SRGAP1: variants seen among roughly 807,000 people sequenced by gnomAD.
SRGAP1 encodes the protein SLIT-ROBO Rho GTPase activating protein 1.
SRGAP1 carries 43 observed loss-of-function variants against 121.9 expected under a neutral mutation model. The observed-to-expected ratio is 0.35, with a 90% CI of 0.28 to 0.46. The LOEUF is 0.46. Among genes scored for constraint, SRGAP1 ranks in the 20% least tolerant of loss-of-function variants. SRGAP1 has a pLI of 1.00. For missense variants in SRGAP1, 1,102 were observed against 1,350.9 expected, an observed-to-expected ratio of 0.82 and a Z score of 2.89; for synonymous variants, 447 against 485.4, an observed-to-expected ratio of 0.92 and a Z score of 1.04.
chr12:64,111,983 A>G lies in SRGAP1; in HGVS notation c.2141A>G (p.Tyr714Cys), dbSNP rs760986373. 1.2e-6 allele frequency: 2 copies of G among 1,612,760 alleles called. No homozygotes were observed. The highest frequency in any genetic ancestry group is 1.7e-6 in the Non-Finnish European group (2 of 1,179,056). The change falls in exon 17 of 22, where the codon TAT becomes TGT. Residue 714 changes from tyrosine to cysteine, a missense_variant. Tyr to Cys is a radical substitution (Grantham distance 194, BLOSUM62 -2). This residue lies in a region of SRGAP1 where 747 missense variants were observed against 929.4 expected (regional missense o/e 0.80). Coordinates refer to ENST00000355086, the MANE Select transcript of SRGAP1 (RefSeq NM_020762.4). ...GAGAAATGTATGGCTGGAGATGACTATTGGTAAGTCTAAGAATTTTAGTCC... is the reference window on the plus strand; with the variant it reads ...GAGAAATGTATGGCTGGAGATGACTGTTGGTAAGTCTAAGAATTTTAGTCC... ...VYEKCMAGDD[Y>C]CDSPYSEHGT...
intron 13 of SRGAP1, 21 bp downstream of exon 13, chr12:64,095,013 T>C (rs752046714): frequency 6.2e-7 from 1 of 1,613,410 alleles, no homozygotes; most frequent in African/African-American, 1.3e-5. Context: ...AACTACAGAA[T>C]TCTTATTTTT....
intron 4 of SRGAP1, among the ~76,000 whole-genome samples, chr12:64,035,919 A>G (rs1176439673): frequency 6.6e-6 from 1 of 152,112 alleles, no homozygotes; most frequent in Non-Finnish European, 1.5e-5. Flanking sequence ...AAGAATCATA[A>G]CTACCCACCG....
intron 1 of SRGAP1, among the ~76,000 whole-genome samples, chr12:63,903,358 C>A (rs112453588): frequency 2.0e-5 from 3 of 151,436 alleles, no homozygotes; most frequent in African/African-American, 2.4e-5. Context: ...GATTGGCGTG[C>A]GCTAATTTAC....
intron 1 of SRGAP1, among the ~76,000 whole-genome samples, chr12:63,949,413 T>A (rs993667840): frequency 1.7e-5 from 2 of 119,636 alleles, no homozygotes; most frequent in Non-Finnish European, 3.9e-5. Context: ...TTATTATTAT[T>A]ATTATTATTA....
chr12:64,001,820 A>G (rs187289203), intron 3 of SRGAP1, among the ~76,000 whole-genome samples: 2 of 152,340 alleles, frequency 1.3e-5, no homozygotes, highest in East Asian at 1.9e-4. Flanking sequence ...TAAATGATAC[A>G]CTAGGTAAAG....
intron 4 of SRGAP1, among the ~76,000 whole-genome samples, chr12:64,020,947 C>CAA (rs11379937): frequency 0.15 from 19,732 of 131,140 alleles, 1,777 homozygotes; most frequent in Non-Finnish European, 0.22. Flanking sequence ...TTCTGTCTCA[C>CAA]AAAAAAAAAA....
intron 8 of SRGAP1, among the ~76,000 whole-genome samples, chr12:64,067,123 A>T (rs140131305): frequency 2.4e-3 from 363 of 151,918 alleles, no homozygotes; most frequent in African/African-American, 8.3e-3. Flanking sequence ...CAGTCATTCA[A>T]CTCCCAGTTC....
At chr12:64,140,259 T>G (rs2136652652) in intron 21 of SRGAP1, among the ~76,000 whole-genome samples, 1 of 148,016 alleles carries the variant, frequency 6.8e-6, no homozygotes, top group African/African-American at 2.6e-5. Flanking sequence ...CTGAAAGTAG[T>G]TTTTTCCAAT....
rs141115345 is a variant in SRGAP1, at chr12:63,971,586, AACTT to A, written c.68-12356_68-12353del. ...GCTCACATCTGAGGATGAAATAGAA[AACTT>A]ACTTTTAACACAGGTTGTCTGTCAC... On this transcript the variant is annotated intron_variant, in intron 1 of 21. Transcript: ENST00000355086. Among the ~76,000 whole-genome samples the A allele has an allele frequency of 5.7e-3, 870 of 152,286 alleles. 7 individuals carry two copies. Among genetic ancestry groups the A allele is most frequent in the African/African-American group, 0.02 (827 of 41,548 alleles).
chr12:64,039,577 C>T (rs2034968702), intron 4 of SRGAP1, among the ~76,000 whole-genome samples: 1 of 150,068 alleles, frequency 6.7e-6, no homozygotes, highest in Non-Finnish European at 1.5e-5. Flanking sequence ...ATGAGAGTCA[C>T]ATGTTCTCAT....
At chr12:64,096,057 A>AG (rs1181765601) in intron 14 of SRGAP1, among the ~76,000 whole-genome samples, 2 of 152,164 alleles carry the variant, frequency 1.3e-5, no homozygotes, top group Non-Finnish European at 2.9e-5. Context: ...TGATGGTTAG[A>AG]GCAGAGCAGC....
intron 6 of SRGAP1, 69 bp downstream of exon 6, chr12:64,043,644 G>A: frequency 1.0e-5 from 12 of 1,200,194 alleles, no homozygotes; most frequent in South Asian, 3.1e-5. Flanking sequence ...TTCGTTGATT[G>A]GAAAATACTG....
intron 2 of SRGAP1, among the ~76,000 whole-genome samples, chr12:63,987,339 C>T (rs1376850185): frequency 6.6e-6 from 1 of 152,106 alleles, no homozygotes; most frequent in African/African-American, 2.4e-5. Flanking sequence ...GTTTAGCTTC[C>T]CTGGACTAAA....
intron 8 of SRGAP1, among the ~76,000 whole-genome samples, chr12:64,075,264 G>C (rs2035715658): frequency 6.6e-6 from 1 of 152,244 alleles, no homozygotes; most frequent in Admixed American, 6.5e-5. Context: ...AAAGGAATAG[G>C]TTGGGCTAGT....
intron 21 of SRGAP1, among the ~76,000 whole-genome samples, chr12:64,138,750 TAGAAG>T (rs1171168397): frequency 5.9e-5 from 9 of 152,134 alleles, no homozygotes; most frequent in African/African-American, 2.2e-4. Flanking sequence ...CTGACTACAC[TAGAAG>T]ACAAATGAGG....
intron 2 of SRGAP1, among the ~76,000 whole-genome samples, chr12:63,989,080 G>A (rs1331656435): frequency 6.6e-6 from 1 of 152,178 alleles, no homozygotes; most frequent in Non-Finnish European, 1.5e-5. Context: ...AAAATGTTAG[G>A]ATTATAGGCG....
In SRGAP1 at chr12:64,016,863, TG is replaced by T. The variant is rs1181120516; in HGVS notation, c.427-86del. 7.0e-6 allele frequency: 5 copies of T among 717,626 alleles called. No individual in the cohort carries two copies. In the East Asian group the frequency reaches 1.4e-4, roughly 20 times the overall value. The allele number at this position is 717,626 out of a possible 1,614,324, so 44.5% of individuals were successfully genotyped here. On this transcript the variant is annotated intron_variant, in intron 3 of 21. Coordinates refer to ENST00000355086, the MANE Select transcript of SRGAP1 (RefSeq NM_020762.4). ...ACAGAGGCTTGCTGTCTTTCTGTCG[TG>T]TTAGATACATTCCTCTATTTTCAGT...
At chr12:63,962,055 A>G (rs1283671942) in intron 1 of SRGAP1, among the ~76,000 whole-genome samples, 1 of 152,012 alleles carries the variant, frequency 6.6e-6, no homozygotes, top group Non-Finnish European at 1.5e-5. Context: ...GTTCTCCCAC[A>G]TTTTCTCCCA....
At chr12:64,109,233 A>T (rs1256257661) in intron 16 of SRGAP1, 196 bp downstream of exon 16, 1 of 375,478 alleles carries the variant, frequency 2.7e-6, no homozygotes, top group Non-Finnish European at 4.7e-6. Flanking sequence ...CCTACCCCAG[A>T]TGTAAAAACT....
Sources: allele counts gnomAD v4.1 joint callset (sites outside exome capture counted in the v4.1 genomes callset), GRCh38; gene constraint gnomAD v4.1.1; regional missense constraint gnomAD v4.1.1; transcripts MANE v1.5; gene names NCBI Gene and HGNC (gene_info 2026-07-23, HGNC 2026-07-21).